MSH3: variants seen among roughly 807,000 people sequenced by gnomAD.
MSH3 encodes the protein DNA mismatch repair protein Msh3.
A neutral mutation model predicts 123.3 loss-of-function variants in MSH3; 106 were observed. The observed-to-expected ratio is 0.86, with a 90% confidence interval of 0.73 to 1.01. The LOEUF (loss-of-function observed/expected upper bound fraction) is 1.01, where lower values mean the gene tolerates loss of function less well. Ranked by LOEUF, MSH3 falls within the 50% of genes least tolerant of loss-of-function variation. MSH3 has a pLI of 0.00. For synonymous variants in MSH3, 515 were observed against 481.4 expected, an observed-to-expected ratio of 1.07 and a Z score of -0.91; for missense variants, 1,459 against 1,347.6, an observed-to-expected ratio of 1.08 and a Z score of -1.29.
rs980384648 is a variant in MSH3, at chr5:80,654,695, G to T, written c.-33G>T. On this transcript the variant is annotated 5_prime_UTR_variant, in exon 1 of 24. Coordinates refer to ENST00000265081, the MANE Select transcript of MSH3 (RefSeq NM_002439.5). ...GCCGCGGGCTCGCGCTCCTCGCCAG[G>T]CCCTGCCGCCGGGCTGCCATCCTTG... The T allele has an allele frequency of 1.3e-6, 2 of 1,569,564 alleles. No homozygotes were observed. Among genetic ancestry groups the T allele is most frequent in the Non-Finnish European group, 1.7e-6 (2 of 1,158,930 alleles).
At chr5:80,776,376 A>G (rs1459423896) in intron 16 of MSH3, among the ~76,000 whole-genome samples, 1 of 152,210 alleles carries the variant, frequency 6.6e-6, no homozygotes, top group African/African-American at 2.4e-5. Context: ...TTGTAAGATT[A>G]ATTTAGTTGC....
At chr5:80,702,435 G>A (rs528401382) in intron 8 of MSH3, among the ~76,000 whole-genome samples, 1 of 152,160 alleles carries the variant, frequency 6.6e-6, no homozygotes, top group Non-Finnish European at 1.5e-5. Context: ...CACACCACAG[G>A]GTTAGTCCTT....
intron 3 of MSH3, 32 bp downstream of exon 3, chr5:80,665,395 A>G: frequency 2.0e-6 from 3 of 1,528,918 alleles, no homozygotes; most frequent in Non-Finnish European, 2.7e-6. Context: ...GTATCCAGTT[A>G]CCTAGAATAG....
chr5:80,748,072 G>A (rs1452630196), intron 12 of MSH3, among the ~76,000 whole-genome samples: 1 of 152,138 alleles, frequency 6.6e-6, no homozygotes, highest in Non-Finnish European at 1.5e-5. Context: ...TTAGGGTCTG[G>A]TTTTCTTCTA....
intron 22 of MSH3, among the ~76,000 whole-genome samples, chr5:80,870,557 G>A (rs776588798): frequency 1.3e-5 from 2 of 152,056 alleles, no homozygotes; most frequent in South Asian, 4.2e-4. Flanking sequence ...ACCTACTTCC[G>A]CACCTGTGTT....
intron 22 of MSH3, among the ~76,000 whole-genome samples, chr5:80,866,356 C>G (rs748371737): frequency 6.6e-6 from 1 of 152,142 alleles, no homozygotes; most frequent in Non-Finnish European, 1.5e-5. Flanking sequence ...CCAGGCTGGT[C>G]TCAAACTGTT....
intron 19 of MSH3, among the ~76,000 whole-genome samples, chr5:80,793,701 G>A (rs1320488405): frequency 3.3e-5 from 5 of 152,172 alleles, no homozygotes; most frequent in Non-Finnish European, 7.4e-5. Context: ...GGAGTGCAGA[G>A]TGTGAACAAA....
chr5:80,725,374 C>T lies in MSH3; in HGVS notation c.1341-79C>T, dbSNP rs245016. 621,308 of 885,616 alleles carry T rather than the reference C, an allele frequency of 0.7. 219,025 individuals are homozygous for T. The highest frequency in any genetic ancestry group is 0.82 in the African/African-American group (47,725 of 58,498). The allele number at this position is 885,616 out of a possible 1,614,324, so 54.9% of individuals were successfully genotyped here. ...AATAAATCTTTATCTTTTTTTTTTCCTCTTCTGGCCAAGACCTAAATACCA... is the reference window on the plus strand; with the variant it reads ...AATAAATCTTTATCTTTTTTTTTTCTTCTTCTGGCCAAGACCTAAATACCA... On this transcript the variant is annotated intron_variant, in intron 8 of 23. Transcript: ENST00000265081.
chr5:80,685,945 G>A (rs1185505717), intron 8 of MSH3, among the ~76,000 whole-genome samples: 1 of 152,000 alleles, frequency 6.6e-6, no homozygotes, highest in African/African-American at 2.4e-5. Flanking sequence ...ATTTCCATGT[G>A]TTTGTATAGT....
At chr5:80,755,336 A>G (rs1743907787) in intron 12 of MSH3, among the ~76,000 whole-genome samples, 1 of 152,174 alleles carries the variant, frequency 6.6e-6, no homozygotes, top group Non-Finnish European at 1.5e-5. Context: ...CTAGACCTGC[A>G]CAAACGACCT....
chr5:80,698,422 A>G (rs1750532773), intron 8 of MSH3, among the ~76,000 whole-genome samples: 1 of 152,220 alleles, frequency 6.6e-6, no homozygotes, highest in Admixed American at 6.5e-5. Context: ...AGTCATGGAA[A>G]TAATTGTAAT....
At chr5:80,711,718 C>T (rs1321629082) in intron 8 of MSH3, among the ~76,000 whole-genome samples, 1 of 151,600 alleles carries the variant, frequency 6.6e-6, no homozygotes, top group East Asian at 1.9e-4. Flanking sequence ...ACAATGGTGT[C>T]ATCTCGGCTC....
chr5:80,846,027 C>CTGCTGTGG (rs1491216571), intron 20 of MSH3, among the ~76,000 whole-genome samples: 1 of 152,146 alleles, frequency 6.6e-6, no homozygotes, highest in Non-Finnish European at 1.5e-5. Flanking sequence ...TGGTTTCTCC[C>CTGCTGTGG]TGTCTTTGTG....
chr5:80,851,704 G>A (rs1745833631), intron 20 of MSH3, among the ~76,000 whole-genome samples: 1 of 152,114 alleles, frequency 6.6e-6, no homozygotes. Context: ...AGCTTGGTAT[G>A]TTTATGATTT....
chr5:80,761,967 A>G (rs1216291376), intron 13 of MSH3, among the ~76,000 whole-genome samples: 1 of 152,070 alleles, frequency 6.6e-6, no homozygotes, highest in Non-Finnish European at 1.5e-5. Flanking sequence ...AGTACAGACT[A>G]TTATCAAAAT....
chr5:80,778,344 A>G (rs576224505), intron 16 of MSH3, among the ~76,000 whole-genome samples: 1 of 152,338 alleles, frequency 6.6e-6, no homozygotes, highest in East Asian at 1.9e-4. Context: ...AGAATAATAC[A>G]ACCTTCACCA....
At chr5:80,851,608 T>G (rs1745831984) in intron 20 of MSH3, among the ~76,000 whole-genome samples, 1 of 152,214 alleles carries the variant, frequency 6.6e-6, no homozygotes, top group Non-Finnish European at 1.5e-5. Context: ...ACTTTTTTAT[T>G]ATGTGTCTTT....
chr5:80,776,720 CAAT>C (rs1172833962), intron 16 of MSH3, among the ~76,000 whole-genome samples: 1 of 151,502 alleles, frequency 6.6e-6, no homozygotes, highest in African/African-American at 2.4e-5. Context: ...GTACTGTTAT[CAAT>C]AAGTTGCACA....
intron 20 of MSH3, among the ~76,000 whole-genome samples, chr5:80,824,704 A>G (rs954648745): frequency 2.2e-4 from 33 of 152,334 alleles, no homozygotes; most frequent in Admixed American, 1.9e-3. Context: ...AACATTTCAC[A>G]AGTCTACAAG....
Sources: allele counts gnomAD v4.1 joint callset (sites outside exome capture counted in the v4.1 genomes callset), GRCh38; gene constraint gnomAD v4.1.1; transcripts MANE v1.5; gene names NCBI Gene and HGNC (gene_info 2026-07-23, HGNC 2026-07-21).